The following ZNF438 variants were observed in gnomAD, a reference collection of about 807,000 sequenced individuals.
The protein encoded by ZNF438 is zinc finger protein 438.
ZNF438 carries 25 observed loss-of-function variants against 38.0 expected under a neutral mutation model. The ratio of observed to expected loss-of-function variants is 0.66; its 90% CI spans 0.48 to 0.92. The LOEUF is 0.92. Among genes scored for constraint, ZNF438 ranks in the 40% least tolerant of loss-of-function variants. ZNF438 has a pLI of 0.00. For synonymous variants in ZNF438, 372 were observed against 364.1 expected (o/e 1.02, Z -0.25); for missense variants, 1,007 against 999.6 (o/e 1.01, Z -0.10).
intron 4 of ZNF438, among the ~76,000 whole-genome samples, chr10:30,854,320 T>C (rs939579916): frequency 6.6e-5 from 10 of 152,086 alleles, no homozygotes; most frequent in African/African-American, 2.4e-4. Context: ...TCTCAAAAAA[T>C]AAAAATTAAT....
intron 1 of ZNF438, among the ~76,000 whole-genome samples, chr10:30,944,178 G>A (rs184534549): frequency 2.6e-5 from 4 of 152,212 alleles, no homozygotes; most frequent in African/African-American, 9.6e-5. Flanking sequence ...GCAAAAGACT[G>A]GCCACATGTG....
chr10:30,915,881 C>T (rs985781156), intron 2 of ZNF438, among the ~76,000 whole-genome samples: 25 of 152,038 alleles, frequency 1.6e-4, no homozygotes, highest in African/African-American at 6.0e-4. Flanking sequence ...AGGTCAAAGC[C>T]GGGCCCTCTC....
chr10:31,011,095 G>A (rs147050306), intron 1 of ZNF438, among the ~76,000 whole-genome samples: 75 of 152,124 alleles, frequency 4.9e-4, no homozygotes, highest in Middle Eastern at 3.4e-3. Context: ...ACTTTGTAAC[G>A]GGAGGGTGCA....
chr10:30,883,175 A>C (rs560010296), intron 3 of ZNF438, among the ~76,000 whole-genome samples: 42 of 152,340 alleles, frequency 2.8e-4, no homozygotes, highest in African/African-American at 7.5e-4. Flanking sequence ...TTCTAAAATA[A>C]TACTACTTTT....
intron 1 of ZNF438, among the ~76,000 whole-genome samples, chr10:30,956,098 C>T (rs1166792428): frequency 6.6e-6 from 1 of 152,186 alleles, no homozygotes; most frequent in East Asian, 1.9e-4. Flanking sequence ...AGGATTCATG[C>T]TCAGGCTCTC....
intron 3 of ZNF438, among the ~76,000 whole-genome samples, chr10:30,898,054 G>A (rs2041564519): frequency 6.6e-6 from 1 of 152,114 alleles, no homozygotes; most frequent in Non-Finnish European, 1.5e-5. Context: ...TAAGCATTTG[G>A]TTTCCTCATG....
At chr10:30,851,942 T>C (rs1370089553) in intron 4 of ZNF438, among the ~76,000 whole-genome samples, 1 of 151,928 alleles carries the variant, frequency 6.6e-6, no homozygotes, top group Non-Finnish European at 1.5e-5. Flanking sequence ...GCGGATCACT[T>C]GAGGTCAGGA....
At chr10:30,986,259 A>G (rs566609614) in intron 1 of ZNF438, among the ~76,000 whole-genome samples, 6 of 152,342 alleles carry the variant, frequency 3.9e-5, no homozygotes, top group African/African-American at 9.6e-5. Context: ...CAACAGCACT[A>G]TAAGTTTATC....
chr10:30,849,648 CA>C lies in ZNF438; in HGVS notation c.756del (p.Ala253LeufsTer17), dbSNP rs2033147396. The C allele has an allele frequency of 6.2e-7, 1 of 1,614,000 alleles. No individual in the cohort carries two copies. ...TCTTTAAATTTTTCACTGGCAACAG[CA>C]GAAGGTTTACTAGATGTTATCTTGC... On this transcript the variant is annotated frameshift_variant, in exon 5 of 6. Transcript: ENST00000413025. LOFTEE classifies it high-confidence loss of function.
At chr10:30,952,199 T>A (rs1329206852) in intron 1 of ZNF438, among the ~76,000 whole-genome samples, 1 of 151,530 alleles carries the variant, frequency 6.6e-6, no homozygotes, top group African/African-American at 2.4e-5. Flanking sequence ...GCTAGACATA[T>A]GTAGAAAGCT....
chr10:30,865,656 G>A (rs991861127), intron 4 of ZNF438, among the ~76,000 whole-genome samples: 30 of 152,206 alleles, frequency 2.0e-4, no homozygotes, highest in Non-Finnish European at 3.7e-4. Context: ...ATATATCAGT[G>A]CTATGGTGTA....
chr10:30,852,902 T>G (rs1182443805), intron 4 of ZNF438, among the ~76,000 whole-genome samples: 1 of 152,226 alleles, frequency 6.6e-6, no homozygotes, highest in Non-Finnish European at 1.5e-5. Flanking sequence ...ATAATTTTAA[T>G]TTTTAAGTTT....
At chr10:31,027,372 T>A (rs2057011993) in intron 1 of ZNF438, among the ~76,000 whole-genome samples, 1 of 152,088 alleles carries the variant, frequency 6.6e-6, no homozygotes, top group Non-Finnish European at 1.5e-5. Flanking sequence ...AGTTTAAAAT[T>A]TGCTTGTGCA....
In ZNF438 at chr10:30,851,539, T is replaced by C. The variant is rs571996554; in HGVS notation, c.38-1172A>G. On this transcript the variant is annotated intron_variant, in intron 4 of 5. Transcript: ENST00000413025. ...TTTTGGAGGAAGATGTGGTTTGGAA[T>C]TTATATTTTCAAATTTTGGAAAAGT... Among the ~76,000 whole-genome samples the C allele has an allele frequency of 2.0e-5, 3 of 152,364 alleles. No homozygotes were observed. In the South Asian group the frequency reaches 6.2e-4, roughly 32 times the overall value.
At chr10:30,917,328 G>A (rs1178999136) in intron 2 of ZNF438, among the ~76,000 whole-genome samples, 1 of 152,072 alleles carries the variant, frequency 6.6e-6, no homozygotes, top group Non-Finnish European at 1.5e-5. Flanking sequence ...CTTCTCATAA[G>A]AATCTTTTTG....
chr10:30,863,310 C>T (rs1398344382), intron 4 of ZNF438, among the ~76,000 whole-genome samples: 1 of 152,134 alleles, frequency 6.6e-6, no homozygotes, highest in African/African-American at 2.4e-5. Context: ...AACATGAAGT[C>T]CCAGGCACTG....
At chr10:30,906,696 T>C (rs2934641) in intron 3 of ZNF438, among the ~76,000 whole-genome samples, 19,965 of 152,250 alleles carry the variant, frequency 0.13, 1,644 homozygotes, top group Middle Eastern at 0.25. Flanking sequence ...TGATGTTAGC[T>C]GTGTAGTTTT....
At chr10:31,032,392 C>T (rs889940517), upstream of ZNF438, among the ~76,000 whole-genome samples, 11 of 150,572 alleles carry the variant, frequency 7.3e-5, no homozygotes, top group African/African-American at 2.7e-4. Context: ...CTCGACGCGG[C>T]TCCCGCTAGA....
At chr10:30,947,788 C>T (rs1242457603) in intron 1 of ZNF438, among the ~76,000 whole-genome samples, 2 of 152,134 alleles carry the variant, frequency 1.3e-5, no homozygotes, top group African/African-American at 2.4e-5. Context: ...ACCCGATTTT[C>T]CAGGTGCCAT....
Sources: gnomAD v4.1 joint callset for allele counts (sites outside exome capture counted in the v4.1 genomes callset) on GRCh38, gnomAD v4.1.1 for gene constraint, MANE v1.5 for transcripts, NCBI Gene and HGNC (gene_info 2026-07-23, HGNC 2026-07-21) for gene names.